The following ATP6V1C1 variants were observed in gnomAD, a reference collection of about 807,000 sequenced individuals.
ATP6V1C1 encodes the protein ATPase H+ transporting V1 subunit C1.
Under a neutral mutation model 53.9 loss-of-function variants are expected in ATP6V1C1, and 45 were observed. That is an observed-to-expected ratio of 0.83 (90% CI 0.66 to 1.07). ATP6V1C1 has a LOEUF of 1.07. ATP6V1C1 is among the 50% of genes least tolerant of loss of function. The probability of loss-of-function intolerance (pLI) is 0.00; values close to 1 mark genes in which losing one functional copy is unlikely to be tolerated. For synonymous variants in ATP6V1C1, 153 were observed against 155.2 expected (o/e 0.99, Z 0.11); for missense variants, 315 against 440.3 (o/e 0.72, Z 2.55).
chr8:103,064,676 T>G lies in ATP6V1C1; in HGVS notation c.829-38T>G, dbSNP rs369028857. The G allele has an allele frequency of 2.5e-6, 4 of 1,576,352 alleles. No individual in the cohort carries two copies. The African/African-American group carries it at 5.5e-5, about 21-fold the overall frequency. The stretch of plus-strand genomic sequence containing the variant: ...ATTTGGTCTATCTAATTGCTATTTC[T>G]AAGACCAAATTTGTGGTAATTTTTT... On this transcript the variant is annotated intron_variant, in intron 10 of 12. Coordinates refer to ENST00000518738, the MANE Select transcript of ATP6V1C1 (RefSeq NM_001695.5).
At chr8:103,024,902 G>A (rs1184494655) in intron 1 of ATP6V1C1, among the ~76,000 whole-genome samples, 1 of 152,266 alleles carries the variant, frequency 6.6e-6, no homozygotes, top group East Asian at 1.9e-4. Flanking sequence ...TTAAAAAAAT[G>A]AGCCAGGTAG....
chr8:103,028,225 T>C (rs1278129873), intron 1 of ATP6V1C1, among the ~76,000 whole-genome samples: 2 of 152,082 alleles, frequency 1.3e-5, no homozygotes, highest in African/African-American at 4.8e-5. Context: ...AGAAATTTGT[T>C]TTGTGCGAAA....
intron 2 of ATP6V1C1, 30 bp downstream of exon 2, chr8:103,040,998 G>A: frequency 6.2e-7 from 1 of 1,601,468 alleles, no homozygotes; most frequent in South Asian, 1.1e-5. Flanking sequence ...AATTATATAT[G>A]AGTTCATCAT....
intron 5 of ATP6V1C1, among the ~76,000 whole-genome samples, chr8:103,052,334 G>C (rs186516452): frequency 1.3e-5 from 2 of 152,168 alleles, no homozygotes; most frequent in Non-Finnish European, 2.9e-5. Flanking sequence ...AATACTCTGT[G>C]TAATAGTGAT....
intron 8 of ATP6V1C1, among the ~76,000 whole-genome samples, chr8:103,059,328 C>T (rs113365629): frequency 3.6e-4 from 55 of 152,292 alleles, no homozygotes; most frequent in South Asian, 6.2e-4. Context: ...AGCCTTCCCC[C>T]CAACCACATA....
At chr8:103,066,838 C>T (rs1364035504) in intron 12 of ATP6V1C1, among the ~76,000 whole-genome samples, 1 of 152,048 alleles carries the variant, frequency 6.6e-6, no homozygotes, top group Non-Finnish European at 1.5e-5. Flanking sequence ...AAGGTAGGTT[C>T]ATTTTTCTAA....
chr8:103,040,600 GTATCATAAATAAATCGTTTTT>G (rs1816981751), intron 1 of ATP6V1C1, among the ~76,000 whole-genome samples, 177 bp from the exon 2 acceptor site: 1 of 151,992 alleles, frequency 6.6e-6, no homozygotes. Context: ...CACTTTCCTA[GTATCATAAATAAATCGTTTTT>G]TCACCATTTG....
chr8:103,060,721 ATTTG>A (rs1406466647), intron 8 of ATP6V1C1, among the ~76,000 whole-genome samples: 6 of 152,050 alleles, frequency 3.9e-5, no homozygotes. Context: ...AGTGGCTTTT[ATTTG>A]TTTTTCATAA....
intron 3 of ATP6V1C1, among the ~76,000 whole-genome samples, chr8:103,046,528 G>A (rs1262328562): frequency 6.6e-6 from 1 of 152,066 alleles, no homozygotes; most frequent in African/African-American, 2.4e-5. Context: ...GATTTTTTAG[G>A]GAAGGAATCT....
At chr8:103,045,325 T>A (rs1339657780) in intron 3 of ATP6V1C1, among the ~76,000 whole-genome samples, 1 of 152,182 alleles carries the variant, frequency 6.6e-6, no homozygotes, top group Non-Finnish European at 1.5e-5. Context: ...TCTTTTAATA[T>A]AACACCATGT....
At chr8:103,032,509 T>C (rs1816816797) in intron 1 of ATP6V1C1, among the ~76,000 whole-genome samples, 2 of 152,080 alleles carry the variant, frequency 1.3e-5, no homozygotes, top group Non-Finnish European at 2.9e-5. Context: ...TTTTCTTTCT[T>C]TCCTCACTCT....
chr8:103,062,189 T>TTC lies in ATP6V1C1; in HGVS notation c.642-765_642-764insCT, dbSNP rs1554601327. Among the ~76,000 whole-genome samples, 79 of 137,806 alleles carry TTC rather than the reference T, an allele frequency of 5.7e-4. 2 individuals carry two copies. The Middle Eastern group carries it at 0.011, about 19-fold the overall frequency. 90.4% of individuals were successfully genotyped at this position (137,806 alleles called of 152,430 possible). A position where few individuals can be genotyped will look rare whatever the true frequency, so the allele number is the denominator to read the frequency against. ...TTTTTTTTTTTTTTTTTTTTTTTTT[T>TTC]TGACAGGGACTCACTCTGTCACCCA... is the stretch of plus-strand genomic sequence containing the variant. On this transcript the variant is annotated intron_variant, in intron 8 of 12. Transcript: ENST00000518738.
chr8:103,023,778 C>A (rs1159492235), intron 1 of ATP6V1C1, among the ~76,000 whole-genome samples: 1 of 152,186 alleles, frequency 6.6e-6, no homozygotes, highest in Non-Finnish European at 1.5e-5. Flanking sequence ...TCCGGAGTAA[C>A]TGCCACAGTT....
In ATP6V1C1 at chr8:103,041,866, C is replaced by T. The variant is rs138730064; in HGVS notation, c.133-474C>T. ...CAGCCTGGGAGACAGAGTGAGACTC[C>T]GTCTCAAAAATATAAATAATAAATG... On this transcript the variant is annotated intron_variant, in intron 2 of 12. Transcript: ENST00000518738. Among the ~76,000 whole-genome samples the T allele has an allele frequency of 2.2e-3, 342 of 152,012 alleles. 1 individual carries two copies. Among genetic ancestry groups the T allele is most frequent in the African/African-American group, 7.1e-3 (294 of 41,468 alleles).
intron 1 of ATP6V1C1, among the ~76,000 whole-genome samples, chr8:103,035,536 A>G (rs1307886191): frequency 6.6e-6 from 1 of 152,164 alleles, no homozygotes; most frequent in African/African-American, 2.4e-5. Context: ...TATAAAGTAT[A>G]AGTAAGCAAA....
At chr8:103,025,822 A>G (rs1816685070) in intron 1 of ATP6V1C1, among the ~76,000 whole-genome samples, 2 of 152,254 alleles carry the variant, frequency 1.3e-5, no homozygotes, top group South Asian at 4.1e-4. Flanking sequence ...AGTTGTTACC[A>G]GTAAACAGAA....
intron 8 of ATP6V1C1, among the ~76,000 whole-genome samples, chr8:103,056,923 T>C (rs2458291): frequency 0.79 from 120,109 of 151,918 alleles, 47,595 homozygotes; most frequent in Admixed American, 0.82. Context: ...AGTCCTGGAC[T>C]CAGGGATCTG....
chr8:103,044,893 T>A (rs980852414), intron 3 of ATP6V1C1, among the ~76,000 whole-genome samples: 1 of 152,216 alleles, frequency 6.6e-6, no homozygotes, highest in Admixed American at 6.5e-5. Context: ...ATGGTTATGC[T>A]TTTGTCTTCA....
Position 103,068,906 on chromosome 8 carries a change from C to T in ATP6V1C1, c.*159C>T, listed in dbSNP as rs1817541073. 2.5e-6 allele frequency: 1 copy of T among 407,362 alleles called. No individual in the cohort carries two copies. Among genetic ancestry groups the T allele is most frequent in the African/African-American group, 2.1e-5 (1 of 48,532 alleles). The allele number at this position is 407,362 out of a possible 1,614,324, so 25.2% of individuals were successfully genotyped here. On this transcript the variant is annotated 3_prime_UTR_variant, in exon 13 of 13. Transcript: ENST00000518738. ...ACAGTGGTCTGTATCTCAACATTTT[C>T]TTTTTAAAGGAAAAAATATATATAT...
Sources: gnomAD v4.1 joint callset for allele counts (sites outside exome capture counted in the v4.1 genomes callset) on GRCh38, gnomAD v4.1.1 for gene constraint, MANE v1.5 for transcripts, NCBI Gene and HGNC (gene_info 2026-07-23, HGNC 2026-07-21) for gene names.